CHRM3: variants seen among roughly 807,000 people sequenced by gnomAD.
The protein encoded by CHRM3 is muscarinic acetylcholine receptor M3.
CHRM3 carries 11 observed loss-of-function variants against 41.8 expected under a neutral mutation model. The ratio of observed to expected loss-of-function variants is 0.26; its 90% CI spans 0.17 to 0.44. The LOEUF (loss-of-function observed/expected upper bound fraction) is 0.44, where lower values mean the gene tolerates loss of function less well. Among genes scored for constraint, CHRM3 ranks in the 20% least tolerant of loss-of-function variants. The pLI is 1.00. For missense variants in CHRM3, 571 were observed against 745.4 expected, an observed-to-expected ratio of 0.77 and a Z score of 2.72; for synonymous variants, 297 against 301.4, an observed-to-expected ratio of 0.99 and a Z score of 0.15.
intron 3 of CHRM3, among the ~76,000 whole-genome samples, chr1:239,587,535 C>G (rs1663558416): frequency 6.6e-6 from 1 of 152,170 alleles, no homozygotes; most frequent in Admixed American, 6.5e-5. Flanking sequence ...CAGAGGGTTG[C>G]CAATGCAGTA....
intron 1 of CHRM3, among the ~76,000 whole-genome samples, chr1:239,444,475 C>G (rs1456160503): frequency 6.6e-6 from 1 of 151,974 alleles, no homozygotes; most frequent in Non-Finnish European, 1.5e-5. Flanking sequence ...TTAATTTGTG[C>G]TGGAGGGAAT....
chr1:239,640,813 G>T (rs987591529), intron 4 of CHRM3, among the ~76,000 whole-genome samples: 16 of 146,550 alleles, frequency 1.1e-4, no homozygotes, highest in African/African-American at 2.8e-4. Context: ...GCTAGCTTTT[G>T]AATGTGTTTG....
At chr1:239,657,456 A>T (rs578118533) in intron 4 of CHRM3, among the ~76,000 whole-genome samples, 1 of 152,264 alleles carries the variant, frequency 6.6e-6, no homozygotes, top group Admixed American at 6.5e-5. Flanking sequence ...CTCTGCCAAA[A>T]TTTTTCCCCT....
chr1:239,540,490 C>T (rs1658666989), intron 2 of CHRM3, among the ~76,000 whole-genome samples: 1 of 152,062 alleles, frequency 6.6e-6, no homozygotes, highest in South Asian at 2.1e-4. Context: ...TTATCTTGCA[C>T]CAGAAGAAAT....
chr1:239,519,738 GTTCTT>G (rs1186778163), intron 2 of CHRM3, among the ~76,000 whole-genome samples: 7 of 98,978 alleles, frequency 7.1e-5, no homozygotes, highest in Admixed American at 7.0e-4. Flanking sequence ...TTAAAAACTA[GTTCTT>G]TTTTTTTTTT....
chr1:239,889,439 C>G (rs1415079512), intron 6 of CHRM3, among the ~76,000 whole-genome samples: 2 of 152,150 alleles, frequency 1.3e-5, no homozygotes, highest in African/African-American at 4.8e-5. Flanking sequence ...GTTGGACATG[C>G]CTGGCCCCTA....
At chr1:239,721,941 A>G (rs1663015083) in intron 5 of CHRM3, among the ~76,000 whole-genome samples, 1 of 151,858 alleles carries the variant, frequency 6.6e-6, no homozygotes, top group Admixed American at 6.6e-5. Flanking sequence ...CTTTTTTTTA[A>G]GATGCACTTT....
At chr1:239,701,671 C>T (rs556131256) in intron 5 of CHRM3, among the ~76,000 whole-genome samples, 43 of 152,288 alleles carry the variant, frequency 2.8e-4, no homozygotes, top group African/African-American at 9.4e-4. Flanking sequence ...TCTTCTGCTC[C>T]TGATCTTTTA....
intron 6 of CHRM3, among the ~76,000 whole-genome samples, chr1:239,852,560 T>C (rs1266785193): frequency 2.6e-5 from 4 of 152,196 alleles, no homozygotes; most frequent in Admixed American, 1.3e-4. Flanking sequence ...TAGCCAAGAC[T>C]AGAATTCGGG....
At chr1:239,532,824 A>C (rs1394492927) in intron 2 of CHRM3, among the ~76,000 whole-genome samples, 1 of 152,180 alleles carries the variant, frequency 6.6e-6, no homozygotes, top group Non-Finnish European at 1.5e-5. Context: ...AATCACCTCT[A>C]AGGAAATGAG....
chr1:239,699,438 C>A (rs1020920742), intron 5 of CHRM3, among the ~76,000 whole-genome samples: 6 of 152,062 alleles, frequency 3.9e-5, no homozygotes, highest in African/African-American at 1.4e-4. Flanking sequence ...AAGAAGAGGT[C>A]ATGTGAAAAT....
chr1:239,702,188 A>G (rs959493692), intron 5 of CHRM3, among the ~76,000 whole-genome samples: 1 of 152,092 alleles, frequency 6.6e-6, no homozygotes, highest in Non-Finnish European at 1.5e-5. Context: ...CTTTTAAAGG[A>G]AGGTAGTACT....
chr1:239,734,991 C>T (rs1664279487), intron 5 of CHRM3, among the ~76,000 whole-genome samples: 1 of 152,038 alleles, frequency 6.6e-6, no homozygotes, highest in Non-Finnish European at 1.5e-5. Flanking sequence ...AAATATAGGG[C>T]ATTTGCATTT....
intron 6 of CHRM3, among the ~76,000 whole-genome samples, chr1:239,888,714 T>C (rs915654825): frequency 3.3e-5 from 5 of 152,110 alleles, no homozygotes; most frequent in African/African-American, 9.7e-5. Flanking sequence ...CCAAGTAATA[T>C]GTTAATCAAC....
intron 5 of CHRM3, among the ~76,000 whole-genome samples, chr1:239,811,376 A>G (rs763058385): frequency 9.2e-5 from 14 of 152,280 alleles, no homozygotes; most frequent in Admixed American, 2.6e-4. Flanking sequence ...CTTGCCAGAC[A>G]CTTTGATCTT....
At chr1:239,688,958 C>A (rs1659448055) in intron 5 of CHRM3, among the ~76,000 whole-genome samples, 1 of 148,282 alleles carries the variant, frequency 6.7e-6, no homozygotes, top group African/African-American at 2.5e-5. Context: ...GCCCTGCAAT[C>A]TTATTTATTT....
intron 1 of CHRM3, among the ~76,000 whole-genome samples, chr1:239,438,187 C>T (rs560876255): frequency 1.3e-5 from 2 of 152,156 alleles, no homozygotes; most frequent in African/African-American, 4.8e-5. Flanking sequence ...AGTACATTTA[C>T]ATTTATTTCC....
chr1:239,411,414 C>G (rs187026836), intron 1 of CHRM3, among the ~76,000 whole-genome samples: 17 of 151,948 alleles, frequency 1.1e-4, no homozygotes, highest in African/African-American at 4.1e-4. Flanking sequence ...CAGACCTACA[C>G]GAAAGAAAAA....
At chr1:239,798,397 C>T in intron 5 of CHRM3, among the ~76,000 whole-genome samples, 1 of 152,060 alleles carries the variant, frequency 6.6e-6, no homozygotes, top group East Asian at 1.9e-4. Context: ...ATTGTATATG[C>T]CAGGTCTTCC....
Sources: gnomAD v4.1 joint callset for allele counts (sites outside exome capture counted in the v4.1 genomes callset) on GRCh38, gnomAD v4.1.1 for gene constraint, MANE v1.5 for transcripts, NCBI Gene and HGNC (gene_info 2026-07-23, HGNC 2026-07-21) for gene names.